STK4: variants seen among roughly 807,000 people sequenced by gnomAD.
The protein encoded by STK4 is serine/threonine kinase 4.
STK4 carries 30 observed loss-of-function variants against 64.9 expected under a neutral mutation model. The ratio of observed to expected loss-of-function variants is 0.46; its 90% confidence interval spans 0.35 to 0.63. The LOEUF (loss-of-function observed/expected upper bound fraction) is 0.63, where lower values mean the gene tolerates loss of function less well. Ranked by LOEUF, STK4 falls within the 20% of genes least tolerant of loss-of-function variation. The pLI is 0.01. For missense variants in STK4, 466 were observed against 598.5 expected (o/e 0.78, Z 2.31); for synonymous variants, 177 against 199.0 (o/e 0.89, Z 0.93).
chr20:44,973,266 C>G (rs1476405139), intron 2 of STK4: 2 of 152,096 alleles, frequency 1.3e-5, no homozygotes, highest in Admixed American at 6.5e-5. Context: ...GATTTACCTC[C>G]TTGTAAAAAA....
intron 9 of STK4, among the ~76,000 whole-genome samples, chr20:45,008,420 A>G (rs1186050796): frequency 6.6e-6 from 1 of 152,072 alleles, no homozygotes; most frequent in Non-Finnish European, 1.5e-5. Flanking sequence ...GCGTATATGT[A>G]TCATATTTTC....
intron 10 of STK4, among the ~76,000 whole-genome samples, chr20:45,026,584 C>T (rs562338574): frequency 9.5e-4 from 144 of 152,042 alleles, no homozygotes; most frequent in Non-Finnish European, 1.6e-3. Flanking sequence ...TAATGGAGAG[C>T]GAGATAATGC....
At chr20:45,074,944 G>A (rs1232668490) in intron 10 of STK4, 74 bp from the exon 11 acceptor site, 7 of 1,572,062 alleles carry the variant, frequency 4.5e-6, no homozygotes, top group Non-Finnish European at 6.1e-6. Flanking sequence ...GGGTGCCTGG[G>A]AAGGCTGGGC....
intron 5 of STK4, 141 bp from the exon 6 acceptor site, chr20:44,994,949 C>A: frequency 1.6e-6 from 1 of 620,922 alleles, no homozygotes; most frequent in Non-Finnish European, 2.4e-6. Context: ...ATTTCAAGTA[C>A]AAGGCATTTT....
chr20:45,071,979 G>T (rs1400971043), intron 10 of STK4, among the ~76,000 whole-genome samples: 1 of 152,064 alleles, frequency 6.6e-6, no homozygotes, highest in Non-Finnish European at 1.5e-5. Flanking sequence ...GCCCAGGCTG[G>T]TCTGGAGTTC....
chr20:45,052,567 C>A (rs761295684), intron 10 of STK4, among the ~76,000 whole-genome samples: 5 of 152,048 alleles, frequency 3.3e-5, no homozygotes, highest in Non-Finnish European at 5.9e-5. Flanking sequence ...GTTTTCAGGT[C>A]GTTCTAATAT....
intron 9 of STK4, among the ~76,000 whole-genome samples, chr20:45,023,431 C>T (rs2068284436): frequency 6.6e-6 from 1 of 152,128 alleles, no homozygotes; most frequent in Admixed American, 6.5e-5. Flanking sequence ...TGGAGAGAAA[C>T]ACTTGCTGTT....
chr20:45,054,460 G>C (rs966487165), intron 10 of STK4, among the ~76,000 whole-genome samples: 1 of 151,660 alleles, frequency 6.6e-6, no homozygotes, highest in African/African-American at 2.4e-5. Context: ...CTACTCAAGA[G>C]GCTGAGGCAG....
At chr20:44,989,466 T>A (rs377183940) in intron 5 of STK4, among the ~76,000 whole-genome samples, 7 of 152,182 alleles carry the variant, frequency 4.6e-5, no homozygotes, top group African/African-American at 1.7e-4. Context: ...TACCTTGTTA[T>A]TGTTGAATTA....
intron 10 of STK4, among the ~76,000 whole-genome samples, chr20:45,065,181 A>G (rs1289473721): frequency 6.6e-6 from 1 of 152,140 alleles, no homozygotes; most frequent in East Asian, 1.9e-4. Context: ...AATTGCATCA[A>G]AAGCCTTTTC....
chr20:44,994,336 T>C (rs891160354), intron 5 of STK4, among the ~76,000 whole-genome samples: 5 of 151,682 alleles, frequency 3.3e-5, no homozygotes, highest in Non-Finnish European at 7.4e-5. Flanking sequence ...TTTCATATTA[T>C]TGGTTATTGT....
chr20:45,003,165 C>A (rs1312712225), intron 9 of STK4, among the ~76,000 whole-genome samples: 1 of 151,978 alleles, frequency 6.6e-6, no homozygotes, highest in Non-Finnish European at 1.5e-5. Flanking sequence ...GTGTGTCCAG[C>A]TAATTTTTAA....
intron 5 of STK4, among the ~76,000 whole-genome samples, chr20:44,988,567 A>G (rs963505722): frequency 7.0e-6 from 1 of 142,316 alleles, no homozygotes; most frequent in African/African-American, 2.7e-5. Flanking sequence ...ATATATATAT[A>G]TGTATCCATT....
intron 5 of STK4, 87 bp from the exon 6 acceptor site, chr20:44,995,003 T>TC: frequency 1.7e-6 from 2 of 1,176,208 alleles, no homozygotes; most frequent in Non-Finnish European, 2.2e-6. Flanking sequence ...TTTTTTTTTT[T>TC]TTCTTCTTTT....
intron 9 of STK4, among the ~76,000 whole-genome samples, chr20:45,018,099 A>G (rs1315066221): frequency 6.6e-6 from 1 of 152,222 alleles, no homozygotes; most frequent in South Asian, 2.1e-4. Context: ...ACCCAAAACC[A>G]CACACTCATA....
chr20:44,972,316 TATAGAC>T, intron 2 of STK4, 158 bp downstream of exon 2: 2 of 622,692 alleles, frequency 3.2e-6, no homozygotes, highest in South Asian at 4.6e-5. Context: ...CAATCCCTAT[TATAGAC>T]AGATTTAGTG....
At chr20:44,990,288 C>T (rs1354453744) in intron 5 of STK4, among the ~76,000 whole-genome samples, 1 of 151,614 alleles carries the variant, frequency 6.6e-6, no homozygotes, top group Admixed American at 6.6e-5. Flanking sequence ...GTAGTTTGTA[C>T]TTTTTGATAC....
chr20:44,970,225 A>G (rs1277576322), intron 1 of STK4, among the ~76,000 whole-genome samples: 2 of 149,172 alleles, frequency 1.3e-5, no homozygotes, highest in South Asian at 2.1e-4. Flanking sequence ...AACTTAAAGT[A>G]TAATAATAAT....
intron 9 of STK4, among the ~76,000 whole-genome samples, chr20:45,013,741 G>C (rs914756811): frequency 6.6e-6 from 1 of 151,992 alleles, no homozygotes; most frequent in Admixed American, 6.6e-5. Context: ...TCTGTAATTA[G>C]CAATCAGTTG....
Sources: gnomAD v4.1 joint callset for allele counts (sites outside exome capture counted in the v4.1 genomes callset) on GRCh38, gnomAD v4.1.1 for gene constraint, MANE v1.5 for transcripts, NCBI Gene and HGNC (gene_info 2026-07-23, HGNC 2026-07-21) for gene names.